DCC: variants seen among roughly 807,000 people sequenced by gnomAD.
The protein encoded by DCC is DCC netrin 1 receptor, also known as netrin receptor DCC.
Under a neutral mutation model 172.5 loss-of-function variants are expected in DCC, and 58 were observed. That is an observed-to-expected ratio of 0.34 (90% CI 0.27 to 0.42). The LOEUF (loss-of-function observed/expected upper bound fraction) is 0.42. Ranked by LOEUF, DCC falls within the 10% of genes least tolerant of loss-of-function variation. The pLI, the probability that DCC is intolerant of heterozygous loss-of-function variation, is 1.00. For synonymous variants in DCC, 709 were observed against 644.5 expected, an observed-to-expected ratio of 1.10 and a Z score of -1.52; for missense variants, 1,740 against 1,791.0, an observed-to-expected ratio of 0.97 and a Z score of 0.51.
At chr18:52,898,122 G>A (rs1025129440) in intron 2 of DCC, among the ~76,000 whole-genome samples, 3 of 152,170 alleles carry the variant, frequency 2.0e-5, no homozygotes, top group Non-Finnish European at 2.9e-5. Context: ...ATTTACAGCC[G>A]CTCTCCTCTG....
At chr18:53,233,286 C>T (rs2056150488) in intron 12 of DCC, among the ~76,000 whole-genome samples, 1 of 152,212 alleles carries the variant, frequency 6.6e-6, no homozygotes, top group African/African-American at 2.4e-5. Context: ...CTCCCTATTT[C>T]TTCATGTAAT....
intron 1 of DCC, among the ~76,000 whole-genome samples, chr18:52,452,727 C>A (rs1490394583): frequency 1.3e-5 from 2 of 152,162 alleles, no homozygotes; most frequent in Non-Finnish European, 2.9e-5. Flanking sequence ...ATGTGTCACC[C>A]ATTTACACAC....
intron 15 of DCC, among the ~76,000 whole-genome samples, chr18:53,378,109 G>A (rs901437051): frequency 4.6e-5 from 7 of 152,006 alleles, no homozygotes; most frequent in Non-Finnish European, 1.0e-4. Flanking sequence ...TTACAGGCAC[G>A]TGCCTCCTTA....
intron 2 of DCC, among the ~76,000 whole-genome samples, chr18:52,828,841 C>T (rs76247728): frequency 0.023 from 3,459 of 152,228 alleles, 87 homozygotes; most frequent in East Asian, 0.092. Flanking sequence ...GAGAAAGGTA[C>T]AAGAGATGTG....
At chr18:52,429,128 C>CTGA (rs1019931240) in intron 1 of DCC, among the ~76,000 whole-genome samples, 2 of 152,106 alleles carry the variant, frequency 1.3e-5, no homozygotes, top group African/African-American at 4.8e-5. Flanking sequence ...ATGTCCATAA[C>CTGA]TGTCTTTGAG....
At chr18:53,362,334 A>G (rs962666552) in intron 15 of DCC, among the ~76,000 whole-genome samples, 10 of 152,214 alleles carry the variant, frequency 6.6e-5, no homozygotes, top group African/African-American at 2.4e-4. Context: ...ACTCTGGGTA[A>G]TAATAGAGTT....
chr18:52,980,709 C>T (rs925521679), intron 5 of DCC, among the ~76,000 whole-genome samples: 9 of 151,962 alleles, frequency 5.9e-5, no homozygotes, highest in African/African-American at 2.2e-4. Context: ...CTAATAAATG[C>T]TCACTCTGTC....
At chr18:53,330,625 C>T (rs988954915) in intron 14 of DCC, among the ~76,000 whole-genome samples, 1 of 152,146 alleles carries the variant, frequency 6.6e-6, no homozygotes, top group Non-Finnish European at 1.5e-5. Flanking sequence ...GTGGTCCTTC[C>T]CTCAGCCTCA....
intron 19 of DCC, among the ~76,000 whole-genome samples, chr18:53,408,487 T>A (rs1172576780): frequency 6.6e-6 from 1 of 151,982 alleles, no homozygotes; most frequent in Non-Finnish European, 1.5e-5. Flanking sequence ...AAGAAGAGAG[T>A]CGGGTATCTG....
At chr18:53,452,506 G>T (rs756038055) in intron 23 of DCC, among the ~76,000 whole-genome samples, 7 of 152,114 alleles carry the variant, frequency 4.6e-5, no homozygotes, top group Admixed American at 1.3e-4. Context: ...ATGTGCAAAA[G>T]TGGGATTTGG....
intron 7 of DCC, among the ~76,000 whole-genome samples, chr18:53,137,509 A>G (rs897531356): frequency 3.3e-5 from 5 of 152,312 alleles, no homozygotes; most frequent in Admixed American, 2.0e-4. Flanking sequence ...ATAGCTTTGT[A>G]AAATGTTACT....
chr18:53,336,076 T>C (rs921961895), intron 14 of DCC, among the ~76,000 whole-genome samples: 1 of 152,152 alleles, frequency 6.6e-6, no homozygotes, highest in African/African-American at 2.4e-5. Context: ...ATATCAGGCT[T>C]CATTAATTTA....
chr18:53,498,383 A>C (rs2144437626), intron 26 of DCC, among the ~76,000 whole-genome samples: 1 of 152,336 alleles, frequency 6.6e-6, no homozygotes, highest in African/African-American at 2.4e-5. Flanking sequence ...TTAAGAAATA[A>C]GTCATCAGAA....
intron 1 of DCC, among the ~76,000 whole-genome samples, chr18:52,490,836 G>A (rs2030465082): frequency 6.6e-6 from 1 of 152,078 alleles, no homozygotes; most frequent in South Asian, 2.1e-4. Flanking sequence ...CCAGACCAAT[G>A]CTAAAGCTTA....
intron 12 of DCC, among the ~76,000 whole-genome samples, chr18:53,257,025 G>A (rs1220389690): frequency 1.3e-5 from 2 of 152,104 alleles, no homozygotes; most frequent in Non-Finnish European, 2.9e-5. Context: ...TCTGTTATTG[G>A]TGTATAAGAA....
chr18:53,412,051 T>A (rs1318678562), intron 20 of DCC, among the ~76,000 whole-genome samples: 1 of 152,128 alleles, frequency 6.6e-6, no homozygotes, highest in Non-Finnish European at 1.5e-5. Flanking sequence ...GAGTGATGAG[T>A]TATCATAAGA....
intron 1 of DCC, among the ~76,000 whole-genome samples, chr18:52,517,203 T>C (rs891843301): frequency 2.0e-5 from 3 of 152,208 alleles, no homozygotes; most frequent in Admixed American, 6.5e-5. Context: ...TTAAGTGTCT[T>C]TCATATCTGT....
intron 5 of DCC, among the ~76,000 whole-genome samples, chr18:53,001,377 C>T (rs1599016603): frequency 1.3e-5 from 2 of 151,972 alleles, no homozygotes; most frequent in Admixed American, 6.6e-5. Flanking sequence ...GAATAAGGTG[C>T]CATCACCTTT....
chr18:52,454,888 G>T (rs1225871609), intron 1 of DCC, among the ~76,000 whole-genome samples: 2 of 152,112 alleles, frequency 1.3e-5, no homozygotes, highest in African/African-American at 4.8e-5. Context: ...CAGGTGGCTG[G>T]TATTAGAGTA....
Sources: allele counts gnomAD v4.1 joint callset (sites outside exome capture counted in the v4.1 genomes callset), GRCh38; gene constraint gnomAD v4.1.1; transcripts MANE v1.5; gene names NCBI Gene and HGNC (gene_info 2026-07-23, HGNC 2026-07-21).